The following RPL39L variants were observed in gnomAD, a reference collection of about 807,000 sequenced individuals.
RPL39L encodes ribosomal protein eL39-like 2.
For synonymous variants in RPL39L, 16 were observed against 20.1 expected (o/e 0.80, Z 0.55); for missense variants, 48 against 58.9 (o/e 0.81, Z 0.61).
At chr3:187,129,562 T>C (rs1005281754) in intron 1 of RPL39L, among the ~76,000 whole-genome samples, 2 of 152,242 alleles carry the variant, frequency 1.3e-5, no homozygotes, top group African/African-American at 4.8e-5. Flanking sequence ...CTCAGTTCTT[T>C]TGAGTAGAAA....
In RPL39L at chr3:187,139,482, G is replaced by T. The variant is rs1052247446; in HGVS notation, c.-362C>A. On this transcript the variant is annotated 5_prime_UTR_variant, in exon 1 of 3. Coordinates refer to ENST00000296277, the MANE Select transcript of RPL39L (RefSeq NM_052969.3). ...CGCAGCAATTCAACCGCCGCGCGCC[G>T]GATGCTAAGACCGCGATTTCCCCGG... 4.6e-5 allele frequency: 7 copies of T among 152,238 alleles called. No individual in the cohort carries two copies. The highest frequency in any genetic ancestry group is 7.2e-5 in the African/African-American group (3 of 41,470). 9.4% of individuals were successfully genotyped at this position (152,238 alleles called of 1,614,324 possible). A position where few individuals can be genotyped will look rare whatever the true frequency, so the allele number is the denominator to read the frequency against.
chr3:187,123,945 G>A (rs777541023), intron 2 of RPL39L, among the ~76,000 whole-genome samples: 1 of 152,136 alleles, frequency 6.6e-6, no homozygotes, highest in East Asian at 1.9e-4. Context: ...CTTTTAAAAA[G>A]AAACTCAAAG....
At chr3:187,132,189 GC>G (rs1426578694) in intron 1 of RPL39L, among the ~76,000 whole-genome samples, 1 of 152,188 alleles carries the variant, frequency 6.6e-6, no homozygotes, top group Non-Finnish European at 1.5e-5. Flanking sequence ...AACCAAATAT[GC>G]CCCCAGGCAG....
intron 1 of RPL39L, among the ~76,000 whole-genome samples, chr3:187,138,597 T>G (rs143577834): frequency 1.3e-5 from 2 of 152,362 alleles, no homozygotes; most frequent in Non-Finnish European, 2.9e-5. Flanking sequence ...ATTAAACCAC[T>G]GATGAATCAG....
chr3:187,124,454 A>G (rs1047891789), intron 2 of RPL39L, among the ~76,000 whole-genome samples: 19 of 152,194 alleles, frequency 1.2e-4, no homozygotes, highest in Non-Finnish European at 2.6e-4. Flanking sequence ...GATTTATTAA[A>G]TCTCTATCAG....
rs72169562 is a variant in RPL39L, at chr3:187,134,483, T to TAAAAAAAAAAAAAAAAA, written c.-93+4713_-93+4729dup. On this transcript the variant is annotated intron_variant, in intron 1 of 2. Transcript: ENST00000296277. Reference sequence around the variant, plus strand: ...GCCCAAACTACTTTAGCCTGACTGATAAAAAAAAAAAAAAAAAAAGAAGAC... The same window carrying TAAAAAAAAAAAAAAAAA: ...GCCCAAACTACTTTAGCCTGACTGATAAAAAAAAAAAAAAAAAAAAAAAAAAAAAAAAAAAAGAAGAC... Among the ~76,000 whole-genome samples, 40 of 93,386 alleles carry TAAAAAAAAAAAAAAAAA rather than the reference T, an allele frequency of 4.3e-4. 2 individuals are homozygous for TAAAAAAAAAAAAAAAAA. The highest frequency in any genetic ancestry group is 1.5e-3 in the African/African-American group (36 of 23,556). The allele number at this position is 93,386 out of a possible 152,430, so 61.3% of individuals were successfully genotyped here.
chr3:187,122,888 C>T lies in RPL39L; in HGVS notation c.-28-1560G>A, dbSNP rs138805392. 4.4e-3 allele frequency among the ~76,000 whole-genome samples: 671 copies of T among 152,226 alleles called. 2 individuals are homozygous for T. Among genetic ancestry groups the T allele is most frequent in the African/African-American group, 0.013 (559 of 41,534 alleles). ...ATTTTGGAAAAGATAATTTAGGATACTTCTGTGAATTTCAGCTCTCAAAAT... is the reference window on the plus strand; with the variant it reads ...ATTTTGGAAAAGATAATTTAGGATATTTCTGTGAATTTCAGCTCTCAAAAT... On this transcript the variant is annotated intron_variant, in intron 2 of 2. Transcript: ENST00000296277.
intron 1 of RPL39L, among the ~76,000 whole-genome samples, chr3:187,135,723 CA>C (rs1471867529): frequency 1.3e-5 from 2 of 152,204 alleles, no homozygotes; most frequent in African/African-American, 2.4e-5. Context: ...AGACATAAAC[CA>C]AGTGTGTTGA....
intron 1 of RPL39L, among the ~76,000 whole-genome samples, chr3:187,137,734 G>A (rs919058807): frequency 6.6e-6 from 1 of 151,110 alleles, no homozygotes; most frequent in Non-Finnish European, 1.5e-5. Context: ...AGGCTGAGAC[G>A]GGAGAATCAC....
chr3:187,137,441 C>G (rs925512757), intron 1 of RPL39L, among the ~76,000 whole-genome samples: 1 of 151,634 alleles, frequency 6.6e-6, no homozygotes, highest in Non-Finnish European at 1.5e-5. Context: ...ACCCGGGAGG[C>G]GGAGGCTGCA....
chr3:187,121,172 A>G lies in RPL39L; in HGVS notation c.129T>C (p.His43=), dbSNP rs1720301675. The G allele has an allele frequency of 2.5e-6, 4 of 1,613,864 alleles. No individual in the cohort carries two copies. Among genetic ancestry groups the G allele is most frequent in the African/African-American group, 1.3e-5 (1 of 75,010 alleles). ...SKIRYNSKRR[H]WRRTKLGL ...ATAGACCCAGCTTGGTTCTTCTCCA[A>G]TGCCTCCTTTTGGAGTTGTACCTGA... Residue 43 remains histidine, a synonymous_variant, in exon 3 of 3, where the codon CAT becomes CAC. Coordinates refer to ENST00000296277, the MANE Select transcript of RPL39L (RefSeq NM_052969.3).
At chr3:187,123,911 A>T (rs1720354500) in intron 2 of RPL39L, among the ~76,000 whole-genome samples, 1 of 152,236 alleles carries the variant, frequency 6.6e-6, no homozygotes, top group South Asian at 2.1e-4. Flanking sequence ...TACAGCTCTT[A>T]GCTAGAACTA....
intron 1 of RPL39L, among the ~76,000 whole-genome samples, chr3:187,129,221 T>C (rs1720447517): frequency 6.6e-6 from 1 of 152,208 alleles, no homozygotes; most frequent in Non-Finnish European, 1.5e-5. Context: ...AGAGGTTTGA[T>C]AAGCTCGCTT....
At chr3:187,131,268 A>G (rs1425912480) in intron 1 of RPL39L, among the ~76,000 whole-genome samples, 1 of 152,010 alleles carries the variant, frequency 6.6e-6, no homozygotes, top group African/African-American at 2.4e-5. Flanking sequence ...ACCTGCCTGC[A>G]TTTTGGGAGG....
intron 2 of RPL39L, among the ~76,000 whole-genome samples, chr3:187,122,166 A>T (rs570425480): frequency 1.3e-5 from 2 of 152,378 alleles, no homozygotes; most frequent in South Asian, 4.1e-4. Flanking sequence ...CCACATTGCC[A>T]TCTACTGAAT....
In RPL39L at chr3:187,136,717, T is replaced by C. The variant is rs796587531; in HGVS notation, c.-93+2496A>G. Among the ~76,000 whole-genome samples, 12 of 152,292 alleles carry C rather than the reference T, an allele frequency of 7.9e-5. 2 individuals carry two copies. The highest frequency in any genetic ancestry group is 2.6e-4 in the African/African-American group (11 of 41,574). ...AGAAGTTTCCAATATCTCAAAACTT[T>C]TGTAATAGTGTTTTCCCAAAGAAAT... On this transcript the variant is annotated intron_variant, in intron 1 of 2. Transcript: ENST00000296277.
intron 2 of RPL39L, among the ~76,000 whole-genome samples, chr3:187,122,825 A>G (rs541893820): frequency 5.9e-5 from 9 of 152,340 alleles, no homozygotes; most frequent in African/African-American, 1.9e-4. Flanking sequence ...AAGAAGAATG[A>G]ATAGCAGAGT....
At chr3:187,138,780 C>T (rs1183617628) in intron 1 of RPL39L, among the ~76,000 whole-genome samples, 1 of 152,158 alleles carries the variant, frequency 6.6e-6, no homozygotes, top group African/African-American at 2.4e-5. Context: ...CTACTGTAGG[C>T]CAGGAGCAGT....
chr3:187,121,708 A>G (rs1238834019), intron 2 of RPL39L, among the ~76,000 whole-genome samples: 1 of 152,224 alleles, frequency 6.6e-6, no homozygotes, highest in East Asian at 1.9e-4. Context: ...GCAATAGAAC[A>G]CTAAAAAAAA....
Sources: gnomAD v4.1 joint callset for allele counts (sites outside exome capture counted in the v4.1 genomes callset) on GRCh38, gnomAD v4.1.1 for gene constraint, MANE v1.5 for transcripts, NCBI Gene and HGNC (gene_info 2026-07-23, HGNC 2026-07-21) for gene names.